Variants in SEC24D observed in about 807,000 individuals in gnomAD.
SEC24D encodes protein transport protein Sec24D.
Under a neutral mutation model 116.9 loss-of-function variants are expected in SEC24D, and 69 were observed. The ratio of observed to expected loss-of-function variants is 0.59; its 90% CI spans 0.49 to 0.72. The LOEUF (loss-of-function observed/expected upper bound fraction) is 0.72. SEC24D is among the 30% of genes least tolerant of loss of function. SEC24D has a pLI of 0.00. For synonymous variants in SEC24D, 405 were observed against 442.8 expected, an observed-to-expected ratio of 0.91 and a Z score of 1.07; for missense variants, 1,131 against 1,264.1, an observed-to-expected ratio of 0.89 and a Z score of 1.60.
chr4:118,832,005 C>G (rs1319238830), intron 2 of SEC24D, among the ~76,000 whole-genome samples: 1 of 152,082 alleles, frequency 6.6e-6, no homozygotes, highest in Non-Finnish European at 1.5e-5. Flanking sequence ...GAGTTCGAGA[C>G]CAACCTGGCC....
At chr4:118,758,508 G>C (rs1278901690) in intron 10 of SEC24D, 1 of 152,130 alleles carries the variant, frequency 6.6e-6, no homozygotes, top group African/African-American at 2.4e-5. Flanking sequence ...CTACGAACAT[G>C]TTTTTTAGTT....
intron 6 of SEC24D, among the ~76,000 whole-genome samples, chr4:118,810,806 G>C (rs866189461): frequency 6.6e-5 from 10 of 152,132 alleles, no homozygotes; most frequent in South Asian, 2.1e-4. Context: ...CTAAGACTAA[G>C]TCTTTGGAAA....
In SEC24D at chr4:118,764,804, T is replaced by C; in HGVS notation, c.1294A>G (p.Arg432Gly). ...CTTGAAGTTCTGGGAACACTTACTC[T>C]GCAATAATCCAAAGTGGCAACATAT... ...YEYVATLDYC[R>G]KSKPPNPPAF... The change falls in exon 10 of 23, where the codon AGA becomes GGA. Residue 432 changes from arginine to glycine, a missense_variant and splice_region_variant. Transcript: ENST00000280551. 6.5e-7 allele frequency: 1 copy of C among 1,536,940 alleles called. No individual in the cohort carries two copies. Among genetic ancestry groups the C allele is most frequent in the African/African-American group, 1.4e-5 (1 of 73,452 alleles).
rs563465314 is a variant in SEC24D, at chr4:118,772,577, G to A, written c.1042-4266C>T. Among the ~76,000 whole-genome samples, 21 of 152,216 alleles carry A rather than the reference G, an allele frequency of 1.4e-4. 1 individual carries two copies. The South Asian group carries it at 4.4e-3, about 32-fold the overall frequency. ...TGCCGACTTTCCTTGAGTATATGTAGGGAAACAGAGGTACGGTTGGGATAG... is the reference window on the plus strand; with the variant it reads ...TGCCGACTTTCCTTGAGTATATGTAAGGAAACAGAGGTACGGTTGGGATAG... On this transcript the variant is annotated intron_variant, in intron 8 of 22. Transcript: ENST00000280551.
chr4:118,740,777 G>A lies in SEC24D; in HGVS notation c.2124C>T (p.Ile708=), dbSNP rs768187886. The change falls in exon 17 of 23, where the codon ATC becomes ATT. Residue 708 remains isoleucine, a synonymous_variant. Coordinates refer to ENST00000280551, the MANE Select transcript of SEC24D (RefSeq NM_014822.4). The stretch of plus-strand genomic sequence containing the variant: ...CTACATCGGTGGTGTTGTTCATCAA[G>A]ATTCCACCAAAGAAATCAGTGGCTC... ...GFRATDFFGG[I]LMNNTTDVEM... is the part of the protein sequence containing the mutation. 6.2e-7 allele frequency: 1 copy of A among 1,613,778 alleles called. No individual in the cohort carries two copies. Among genetic ancestry groups the A allele is most frequent in the East Asian group, 2.2e-5 (1 of 44,876 alleles).
chr4:118,738,112 C>T lies in SEC24D; in HGVS notation c.2496+149G>A, dbSNP rs757911618. 8.2e-5 allele frequency: 47 copies of T among 569,828 alleles called. 1 individual carries two copies. The highest frequency in any genetic ancestry group is 1.3e-4 in the Non-Finnish European group (42 of 319,520). 35.3% of individuals were successfully genotyped at this position (569,828 alleles called of 1,614,324 possible). On this transcript the variant is annotated intron_variant, in intron 19 of 22. Transcript: ENST00000280551. ...TATAAAAAAAAAAACCACAGCCCCCCCAAATTGCATTCTTAATCTTCTCAG... is the reference window on the plus strand; with the variant it reads ...TATAAAAAAAAAAACCACAGCCCCCTCAAATTGCATTCTTAATCTTCTCAG...
chr4:118,752,045 T>C lies in SEC24D; in HGVS notation c.1658A>G (p.Asn553Ser). The C allele has an allele frequency of 6.2e-7, 1 of 1,613,366 alleles. No individual in the cohort carries two copies. The highest frequency in any genetic ancestry group is 1.1e-5 in the South Asian group (1 of 90,992). Residue 553 changes from asparagine (N) to serine (S), a missense_variant, in exon 13 of 23, where the codon AAT becomes AGT. Transcript: ENST00000280551. ...IPDMFADSNE[N>S]ETVFAPVIQA... ...GATGACAGGAGCAAAGACAGTCTCA[T>C]TTTCATTAGAGTCTGCAAACATGTC...
chr4:118,725,104 T>C (rs1390867947), intron 22 of SEC24D, among the ~76,000 whole-genome samples: 1 of 152,216 alleles, frequency 6.6e-6, no homozygotes, highest in Non-Finnish European at 1.5e-5. Context: ...CCAAGTCTGT[T>C]AGGTTTTAAG....
At chr4:118,753,213 T>G (rs1726923998) in intron 11 of SEC24D, among the ~76,000 whole-genome samples, 1 of 152,158 alleles carries the variant, frequency 6.6e-6, no homozygotes, top group South Asian at 2.1e-4. Context: ...AAGCTAGGCT[T>G]CTTACATTCC....
chr4:118,814,678 A>C (rs1730061484), intron 6 of SEC24D, among the ~76,000 whole-genome samples: 1 of 152,176 alleles, frequency 6.6e-6, no homozygotes, highest in Non-Finnish European at 1.5e-5. Context: ...TAGTTATCTA[A>C]AATAGCATAT....
chr4:118,735,507 G>T (rs1223376665), intron 19 of SEC24D, among the ~76,000 whole-genome samples: 1 of 151,700 alleles, frequency 6.6e-6, no homozygotes, highest in African/African-American at 2.4e-5. Flanking sequence ...TGGTAATGAG[G>T]TTTTTTTTGT....
intron 2 of SEC24D, among the ~76,000 whole-genome samples, chr4:118,828,403 C>T (rs541931325): frequency 2.0e-5 from 3 of 152,274 alleles, no homozygotes; most frequent in African/African-American, 7.2e-5. Context: ...GCCACCGCAC[C>T]CGGCCTTACA....
intron 19 of SEC24D, chr4:118,736,060 G>A (rs1055517066): frequency 5.3e-5 from 7 of 132,868 alleles, no homozygotes; most frequent in Admixed American, 4.2e-4. Context: ...CGCTGGAGTC[G>A]AGTGGCATGA....
intron 8 of SEC24D, among the ~76,000 whole-genome samples, chr4:118,784,168 G>A (rs1000422231): frequency 6.6e-6 from 1 of 152,266 alleles, no homozygotes; most frequent in Non-Finnish European, 1.5e-5. Context: ...ATTTGAAGGA[G>A]AGCATTTTTG....
chr4:118,786,970 T>C (rs1300533979), intron 8 of SEC24D, among the ~76,000 whole-genome samples: 2 of 152,192 alleles, frequency 1.3e-5, no homozygotes, highest in Admixed American at 1.3e-4. Flanking sequence ...ATTAAGAAAA[T>C]AAGCTTGGTG....
chr4:118,765,183 T>A (rs1001551427), intron 9 of SEC24D, among the ~76,000 whole-genome samples: 2 of 152,218 alleles, frequency 1.3e-5, no homozygotes, highest in African/African-American at 4.8e-5. Flanking sequence ...GTATTGGTGT[T>A]TTTAAGTTGT....
At chr4:118,728,966 A>G (rs372547305) in intron 21 of SEC24D, 3 of 212,596 alleles carry the variant, frequency 1.4e-5, no homozygotes, top group East Asian at 2.1e-4. Flanking sequence ...CCATGGATTC[A>G]GCCAACCACA....
chr4:118,815,938 T>A (rs1730128241), intron 4 of SEC24D, among the ~76,000 whole-genome samples: 1 of 152,122 alleles, frequency 6.6e-6, no homozygotes, highest in Non-Finnish European at 1.5e-5. Context: ...TTCTTTTTTT[T>A]AAGGACAGGG....
At chr4:118,784,942 G>C (rs1005415938) in intron 8 of SEC24D, among the ~76,000 whole-genome samples, 1 of 151,940 alleles carries the variant, frequency 6.6e-6, no homozygotes, top group Non-Finnish European at 1.5e-5. Context: ...TTATCTGTTG[G>C]CAATACTAAA....
Sources: allele counts gnomAD v4.1 joint callset (sites outside exome capture counted in the v4.1 genomes callset), GRCh38; gene constraint gnomAD v4.1.1; transcripts MANE v1.5; gene names NCBI Gene and HGNC (gene_info 2026-07-23, HGNC 2026-07-21).